Variants in PADI1 observed in about 807,000 individuals in gnomAD.
PADI1 encodes protein-arginine deiminase type-1.
A neutral mutation model predicts 74.8 loss-of-function variants in PADI1; 65 were observed. The observed-to-expected ratio is 0.87, with a 90% CI of 0.71 to 1.07. PADI1 has a LOEUF of 1.07. Among genes scored for constraint, PADI1 ranks in the 50% least tolerant of loss-of-function variants. PADI1 has a pLI of 0.00. For missense variants in PADI1, 943 were observed against 854.0 expected (o/e 1.10, Z -1.30); for synonymous variants, 371 against 336.2 (o/e 1.10, Z -1.13).
chr1:17,237,294 G>A lies in PADI1; in HGVS notation c.1314-20G>A, dbSNP rs757992040. 1.4e-5 allele frequency: 22 copies of A among 1,589,798 alleles called. No homozygotes were observed. Among genetic ancestry groups the A allele is most frequent in the Admixed American group, 1.1e-4 (6 of 56,782 alleles). ...CCTCTCAGGCACAAGGTGACTGCCC[G>A]CCCTCTCCCTCCTGGCCAGGTCCGG... On this transcript the variant is annotated intron_variant, in intron 11 of 15. Coordinates refer to ENST00000375471, the MANE Select transcript of PADI1 (RefSeq NM_013358.3).
At position 17,230,189 on chromosome 1, in the gene PADI1, G is replaced by A. The variant is rs267598187; in HGVS notation, c.1034G>A (p.Arg345Gln). The change falls in exon 9 of 16, where the codon CGA (arginine) becomes CAA (glutamine). Residue 345 changes from arginine to glutamine, a missense_variant. Physicochemically the swap from Arg to Gln is conservative, Grantham distance 43. Coordinates refer to ENST00000375471, the MANE Select transcript of PADI1 (RefSeq NM_013358.3). Reference sequence around the variant, plus strand: ...ACCATCTGCCCTCAAGTTGAAAATCGAAATGACCGCTGGATCCAGGTGGGA... The same window carrying A: ...ACCATCTGCCCTCAAGTTGAAAATCAAAATGACCGCTGGATCCAGGTGGGA... ...KLTICPQVENRNDRWIQDEME... is the reference protein window; with the variant it reads ...KLTICPQVENQNDRWIQDEME... 36 of 1,614,042 alleles carry A rather than the reference G, an allele frequency of 2.2e-5. No homozygotes were observed. In the East Asian group the frequency reaches 4.0e-4, roughly 18 times the overall value.
In PADI1 at chr1:17,229,059, T is replaced by A. The variant is rs748116567; in HGVS notation, c.929+8T>A. The A allele has an allele frequency of 9.2e-6, 14 of 1,521,858 alleles. No individual in the cohort carries two copies. In the East Asian group the frequency reaches 3.4e-4, roughly 37 times the overall value. 94.3% of individuals were successfully genotyped at this position (1,521,858 alleles called of 1,614,324 possible). A position where few individuals can be genotyped will look rare whatever the true frequency, so the allele number is the denominator to read the frequency against. ...GGAGCTGTATGTGTGCAGGTGAGGCTCCCTCCCTCCAGCCCTCCCCCAAGT... is the reference window on the plus strand; with the variant it reads ...GGAGCTGTATGTGTGCAGGTGAGGCACCCTCCCTCCAGCCCTCCCCCAAGT... On this transcript the variant is annotated splice_region_variant and intron_variant, in intron 8 of 15. Transcript: ENST00000375471.
Position 17,226,191 on chromosome 1 carries a change from C to T in PADI1, c.652+33C>T, listed in dbSNP as rs763734489. On this transcript the variant is annotated intron_variant, in intron 6 of 15. Coordinates refer to ENST00000375471, the MANE Select transcript of PADI1 (RefSeq NM_013358.3). The stretch of plus-strand genomic sequence containing the variant: ...GCCTGATGGGGCCTTTTCCTCCCAG[C>T]TCCATCCATATCTATCCTCTCCTCC... The T allele has an allele frequency of 3.7e-6, 6 of 1,611,234 alleles. No homozygotes were observed. The South Asian group carries it at 4.4e-5, about 12-fold the overall frequency.
chr1:17,220,656 G>A (rs939203738), intron 1 of PADI1, among the ~76,000 whole-genome samples: 2 of 152,144 alleles, frequency 1.3e-5, no homozygotes, highest in East Asian at 1.9e-4. Flanking sequence ...TGGCTCTGCC[G>A]TGGGGGATGA....
chr1:17,235,289 AGGAG>A (rs1557479092), intron 11 of PADI1, among the ~76,000 whole-genome samples: 18 of 127,708 alleles, frequency 1.4e-4, no homozygotes, highest in South Asian at 8.5e-4. Flanking sequence ...GAAGGAAGGA[AGGAG>A]GGAAGGAAGG....
intron 15 of PADI1, among the ~76,000 whole-genome samples, chr1:17,243,201 G>A (rs1313239370): frequency 1.3e-5 from 2 of 152,158 alleles, no homozygotes; most frequent in African/African-American, 4.8e-5. Context: ...TTTCCTCTAA[G>A]AAACCCCCAT....
In PADI1 at chr1:17,215,749, G is replaced by T. The variant is rs574914183; in HGVS notation, c.93-6541G>T. Among the ~76,000 whole-genome samples, 116 of 152,296 alleles carry T rather than the reference G, an allele frequency of 7.6e-4. 1 individual carries two copies. The highest frequency in any genetic ancestry group is 2.6e-3 in the African/African-American group (106 of 41,566). ...TGTCCTTGTCCAGAACGCGTTGATT[G>T]TGCCCCTGGTTCATGCCAGGCACTA... On this transcript the variant is annotated intron_variant, in intron 1 of 15. Coordinates refer to ENST00000375471, the MANE Select transcript of PADI1 (RefSeq NM_013358.3).
intron 11 of PADI1, among the ~76,000 whole-genome samples, chr1:17,234,063 G>A (rs1160782536): frequency 6.6e-5 from 10 of 152,220 alleles, no homozygotes; most frequent in Admixed American, 2.0e-4. Flanking sequence ...GGAGGAACCC[G>A]TGAGGAAGGA....
At chr1:17,241,495 G>C (rs1488680591) in intron 15 of PADI1, among the ~76,000 whole-genome samples, 13 of 149,836 alleles carry the variant, frequency 8.7e-5, no homozygotes, top group Admixed American at 2.7e-4. Context: ...ATCAGGGTTG[G>C]AAGTGAAAGT....
In PADI1 at chr1:17,244,273, C is replaced by G; in HGVS notation, c.*30C>G. 1 of 1,545,730 alleles carries G rather than the reference C, an allele frequency of 6.5e-7. No homozygotes were observed. Among genetic ancestry groups the G allele is most frequent in the South Asian group, 1.1e-5 (1 of 89,734 alleles). On this transcript the variant is annotated 3_prime_UTR_variant, in exon 16 of 16. Coordinates refer to ENST00000375471, the MANE Select transcript of PADI1 (RefSeq NM_013358.3). The stretch of plus-strand genomic sequence containing the variant: ...GCCCCCACCCGCCATCCTCTCTGCC[C>G]TCTTGCTAGGGAACCCTGCCAGGGT...
chr1:17,227,183 C>T (rs2072339648), intron 6 of PADI1, among the ~76,000 whole-genome samples: 1 of 148,388 alleles, frequency 6.7e-6, no homozygotes, highest in Admixed American at 6.7e-5. Flanking sequence ...GGTGAGTGAA[C>T]CAAGATCATG....
chr1:17,210,791 G>A (rs2071814861), intron 1 of PADI1, among the ~76,000 whole-genome samples: 1 of 152,210 alleles, frequency 6.6e-6, no homozygotes, highest in Non-Finnish European at 1.5e-5. Flanking sequence ...AGAGGATGCA[G>A]GGGAAAGCTA....
chr1:17,228,496 C>G (rs1330170324), intron 6 of PADI1, 129 bp from the exon 7 acceptor site: 2 of 859,928 alleles, frequency 2.3e-6, no homozygotes, highest in Non-Finnish European at 1.9e-6. Flanking sequence ...GGCCATGCAG[C>G]TTGCACGTGG....
At position 17,230,075 on chromosome 1, in the gene PADI1, C is replaced by T; in HGVS notation, c.930-10C>T. 1 of 1,612,224 alleles carries T rather than the reference C, an allele frequency of 6.2e-7. No homozygotes were observed. Among genetic ancestry groups the T allele is most frequent in the Non-Finnish European group, 8.5e-7 (1 of 1,178,868 alleles). ...CCATTAGCATGCTCCCCTCTCCCTA[C>T]CTTTTACAGAGTGATGGACACTCAT... On this transcript the variant is annotated splice_polypyrimidine_tract_variant and intron_variant, in intron 8 of 15. Transcript: ENST00000375471.
At chr1:17,237,291 C>T in intron 11 of PADI1, 23 bp from the exon 12 acceptor site, 1 of 1,587,200 alleles carries the variant, frequency 6.3e-7, no homozygotes, top group Non-Finnish European at 8.6e-7. Flanking sequence ...AAGGTGACTG[C>T]CCGCCCTCTC....
intron 11 of PADI1, among the ~76,000 whole-genome samples, chr1:17,233,737 C>G (rs1169859196): frequency 6.6e-6 from 1 of 152,228 alleles, no homozygotes; most frequent in Non-Finnish European, 1.5e-5. Flanking sequence ...GGTGCCCCCA[C>G]TTACCCCCCA....
Position 17,240,646 on chromosome 1 carries a change from C to T in PADI1, c.1644C>T (p.Asp548=), listed in dbSNP as rs1261649184. The change falls in exon 15 of 16, where the codon GAC becomes GAT. Residue 548 remains aspartate, a synonymous_variant. Transcript: ENST00000375471. Reference sequence around the variant, plus strand: ...GCCTCCTTCCCCAGAAATGCATTGACTGGAACCGTAATGTGCTGAAGCGGG... The same window carrying T: ...GCCTCCTTCCCCAGAAATGCATTGATTGGAACCGTAATGTGCTGAAGCGGG... ...RDNLHAQKCI[D]WNRNVLKREL... is the part of the protein sequence containing the mutation. 4 of 1,613,962 alleles carry T rather than the reference C, an allele frequency of 2.5e-6. No individual in the cohort carries two copies. The highest frequency in any genetic ancestry group is 1.3e-5 in the African/African-American group (1 of 74,938).
At chr1:17,227,572 A>C (rs956653785) in intron 6 of PADI1, among the ~76,000 whole-genome samples, 2 of 141,446 alleles carry the variant, frequency 1.4e-5, no homozygotes, top group African/African-American at 5.0e-5. Context: ...TAAATAAATA[A>C]ATAAATAAAT....
At chr1:17,237,493 G>A in intron 12 of PADI1, 35 bp downstream of exon 12, 1 of 1,577,772 alleles carries the variant, frequency 6.3e-7, no homozygotes, top group Non-Finnish European at 8.6e-7. Context: ...AGCCACCTCT[G>A]CCCTTGTCTG....
Sources: allele counts gnomAD v4.1 joint callset (sites outside exome capture counted in the v4.1 genomes callset), GRCh38; gene constraint gnomAD v4.1.1; transcripts MANE v1.5; gene names NCBI Gene and HGNC (gene_info 2026-07-23, HGNC 2026-07-21).